Variants in PHF24 observed in about 807,000 individuals in gnomAD.
PHF24 encodes the protein Galpha inhibitory interacting protein.
A neutral mutation model predicts 42.6 loss-of-function variants in PHF24; 25 were observed. The observed-to-expected ratio is 0.59, with a 90% CI of 0.43 to 0.82. The LOEUF is 0.82. PHF24 is among the 40% of genes least tolerant of loss of function. PHF24 has a pLI of 0.00. For synonymous variants in PHF24, 185 were observed against 204.8 expected (o/e 0.90, Z 0.83); for missense variants, 470 against 538.1 (o/e 0.87, Z 1.25).
chr9:34,848,246 G>T, the PHF24 span, among the ~76,000 whole-genome samples: 1 of 151,340 alleles, frequency 6.6e-6, no homozygotes, highest in African/African-American at 2.4e-5. Flanking sequence ...CTTTTGGGTT[G>T]GTAAGCTGTT....
At chr9:34,861,141 T>C in the PHF24 span, among the ~76,000 whole-genome samples, 1 of 152,196 alleles carries the variant, frequency 6.6e-6, no homozygotes, top group East Asian at 1.9e-4. Context: ...CTATTAAGTC[T>C]CTGGCCAAAT....
chr9:34,893,234 C>T, the PHF24 span: 1 of 445,300 alleles, frequency 2.2e-6, no homozygotes, highest in Non-Finnish European at 4.0e-6. Context: ...TTGGCATTGT[C>T]CTTTCCCAGT....
chr9:34,710,691 C>T, the PHF24 span, among the ~76,000 whole-genome samples: 2 of 151,858 alleles, frequency 1.3e-5, no homozygotes, highest in South Asian at 2.1e-4. Flanking sequence ...CCAGGCTAGT[C>T]TTGAGCTCCT....
chr9:34,703,912 G>C, the PHF24 span, among the ~76,000 whole-genome samples: 3 of 151,986 alleles, frequency 2.0e-5, no homozygotes, highest in Non-Finnish European at 2.9e-5. Context: ...ACTAACTGAG[G>C]CTTGTTTGTT....
the PHF24 span, among the ~76,000 whole-genome samples, chr9:34,764,762 G>T: frequency 6.6e-6 from 1 of 151,918 alleles, no homozygotes; most frequent in Non-Finnish European, 1.5e-5. Context: ...GTTTGCTCTT[G>T]CTTTTTCTAG....
intron 4 of PHF24, 110 bp from the exon 5 acceptor site, chr9:34,976,425 G>T: frequency 1.7e-6 from 2 of 1,207,576 alleles, no homozygotes; most frequent in South Asian, 1.4e-5. Context: ...GGGAGGCAGA[G>T]ACTTAGCAAG....
chr9:34,707,582 A>C, the PHF24 span, among the ~76,000 whole-genome samples: 1 of 152,316 alleles, frequency 6.6e-6, no homozygotes, highest in East Asian at 1.9e-4. Context: ...CACCTGCTGC[A>C]AGAGGAGCAG....
At chr9:34,846,332 C>T in the PHF24 span, among the ~76,000 whole-genome samples, 1 of 151,986 alleles carries the variant, frequency 6.6e-6, no homozygotes, top group South Asian at 2.1e-4. Context: ...TTTTGATTTG[C>T]ATTTCTCTGA....
chr9:34,944,338 G>A, the PHF24 span, among the ~76,000 whole-genome samples: 1 of 152,240 alleles, frequency 6.6e-6, no homozygotes, highest in East Asian at 1.9e-4. Context: ...CTGCCAATAT[G>A]TGATAGCTAA....
chr9:34,854,090 G>A, the PHF24 span, among the ~76,000 whole-genome samples: 508 of 151,802 alleles, frequency 3.3e-3, 1 homozygote, highest in South Asian at 0.018. Context: ...ATTCTCTGAT[G>A]GTTGTTTGTA....
chr9:34,909,551 C>T, the PHF24 span, among the ~76,000 whole-genome samples: 1 of 151,912 alleles, frequency 6.6e-6, no homozygotes, highest in South Asian at 2.1e-4. Context: ...TTGCAGCAAA[C>T]ACTTAAGTGA....
intron 1 of PHF24, among the ~76,000 whole-genome samples, chr9:34,970,847 C>T (rs532373850): frequency 6.6e-6 from 1 of 152,150 alleles, no homozygotes; most frequent in African/African-American, 2.4e-5. Flanking sequence ...CTACGAAGCA[C>T]CATTATGCCC....
At chr9:34,781,795 G>C in the PHF24 span, among the ~76,000 whole-genome samples, 2 of 152,076 alleles carry the variant, frequency 1.3e-5, no homozygotes, top group Non-Finnish European at 2.9e-5. Flanking sequence ...TGTAGGGGGA[G>C]AAAGCAGCAA....
the PHF24 span, among the ~76,000 whole-genome samples, chr9:34,937,855 G>GT: frequency 6.6e-6 from 1 of 152,152 alleles, no homozygotes; most frequent in East Asian, 1.9e-4. Flanking sequence ...TAGATTCATG[G>GT]TTCTCTAGAT....
At chr9:34,933,147 C>G in the PHF24 span, among the ~76,000 whole-genome samples, 1 of 152,086 alleles carries the variant, frequency 6.6e-6, no homozygotes, top group African/African-American at 2.4e-5. Flanking sequence ...ATATTCACCA[C>G]TATTTCCTTA....
the PHF24 span, among the ~76,000 whole-genome samples, chr9:34,933,894 G>A: frequency 6.6e-6 from 1 of 151,568 alleles, no homozygotes; most frequent in South Asian, 2.1e-4. Flanking sequence ...ACAGGTGGGT[G>A]CCACCACACC....
the PHF24 span, among the ~76,000 whole-genome samples, chr9:34,788,869 C>T: frequency 1.3e-4 from 20 of 152,266 alleles, no homozygotes; most frequent in South Asian, 3.9e-3. Flanking sequence ...GCCCAGTAAT[C>T]GCTCACTCTG....
chr9:34,966,554 G>A (rs1477657180), intron 1 of PHF24, among the ~76,000 whole-genome samples: 1 of 151,896 alleles, frequency 6.6e-6, no homozygotes, highest in Non-Finnish European at 1.5e-5. Flanking sequence ...GCAGGAGTTC[G>A]AGACTAGCCT....
chr9:34,911,800 A>T, the PHF24 span, among the ~76,000 whole-genome samples: 23 of 152,332 alleles, frequency 1.5e-4, no homozygotes, highest in East Asian at 4.4e-3. Flanking sequence ...GAAAAATACA[A>T]GAAACAACTA....
Sources: allele counts gnomAD v4.1 joint callset (sites outside exome capture counted in the v4.1 genomes callset), GRCh38; gene constraint gnomAD v4.1.1; transcripts MANE v1.5; gene names NCBI Gene and HGNC (gene_info 2026-07-23, HGNC 2026-07-21).